MACROD2: variants seen among roughly 807,000 people sequenced by gnomAD.
The protein encoded by MACROD2 is mono-ADP ribosylhydrolase 2.
Under a neutral mutation model 70.4 loss-of-function variants are expected in MACROD2, and 36 were observed. The observed-to-expected ratio is 0.51, with a 90% CI of 0.39 to 0.68. MACROD2 has a LOEUF of 0.68. Among genes scored for constraint, MACROD2 ranks in the 30% least tolerant of loss-of-function variants. The probability of loss-of-function intolerance (pLI) is 0.00; values close to 1 mark genes in which losing one functional copy is unlikely to be tolerated. For synonymous variants in MACROD2, 172 were observed against 178.8 expected (o/e 0.96, Z 0.30); for missense variants, 496 against 538.4 (o/e 0.92, Z 0.78).
chr20:14,709,181 T>C (rs943399548), intron 5 of MACROD2, among the ~76,000 whole-genome samples: 7 of 152,188 alleles, frequency 4.6e-5, no homozygotes, highest in African/African-American at 1.4e-4. Context: ...CATTTCTTTA[T>C]ACTTATACAT....
chr20:15,493,169 G>T (rs540321941), intron 7 of MACROD2, among the ~76,000 whole-genome samples: 36 of 152,250 alleles, frequency 2.4e-4, no homozygotes, highest in Middle Eastern at 3.4e-3. Flanking sequence ...CTGGACATTG[G>T]TCTCTAGAGC....
rs149248067 is a variant in MACROD2 at position 15,664,560 on chromosome 20, C to A, written c.645+164713C>A. On this transcript the variant is annotated intron_variant, in intron 8 of 17. Transcript: ENST00000684519. ...TCTGGGGCTGGCTGGGGTTGGCTGA[C>A]CTAGTCTGGCCTTGCCTCAATAGCT... Among the ~76,000 whole-genome samples, 5 of 152,260 alleles carry A rather than the reference C, an allele frequency of 3.3e-5. No homozygotes were observed. The East Asian group carries it at 9.7e-4, about 29-fold the overall frequency.
intron 5 of MACROD2, among the ~76,000 whole-genome samples, chr20:14,978,231 T>G (rs1444752457): frequency 6.6e-6 from 1 of 152,156 alleles, no homozygotes; most frequent in Non-Finnish European, 1.5e-5. Flanking sequence ...TTCCATATCC[T>G]ACAGATAAAA....
chr20:15,240,066 A>G (rs2077048025), intron 6 of MACROD2, among the ~76,000 whole-genome samples: 1 of 152,206 alleles, frequency 6.6e-6, no homozygotes, highest in Non-Finnish European at 1.5e-5. Flanking sequence ...TGTAAGGCCA[A>G]ATGAGACTAT....
At chr20:14,525,270 G>T (rs1230157378) in intron 4 of MACROD2, among the ~76,000 whole-genome samples, 2 of 152,138 alleles carry the variant, frequency 1.3e-5, no homozygotes, top group Non-Finnish European at 2.9e-5. Flanking sequence ...TGGGGAGATT[G>T]TCTATTTATA....
chr20:14,097,631 C>A (rs1360781047), intron 3 of MACROD2, among the ~76,000 whole-genome samples: 1 of 152,118 alleles, frequency 6.6e-6, no homozygotes, highest in African/African-American at 2.4e-5. Flanking sequence ...AATTATTTAA[C>A]CTTTCTGAAC....
At chr20:14,869,524 C>A (rs1054837611) in intron 5 of MACROD2, among the ~76,000 whole-genome samples, 3 of 152,236 alleles carry the variant, frequency 2.0e-5, no homozygotes, top group African/African-American at 7.2e-5. Context: ...AAAGCCGTGG[C>A]GCTGCCTATT....
At chr20:15,174,748 T>A (rs908538669) in intron 5 of MACROD2, among the ~76,000 whole-genome samples, 2 of 152,256 alleles carry the variant, frequency 1.3e-5, no homozygotes, top group Non-Finnish European at 2.9e-5. Context: ...ATTTCTCTGA[T>A]AGCCAGTGAT....
intron 6 of MACROD2, among the ~76,000 whole-genome samples, chr20:15,238,256 T>A (rs2145999219): frequency 6.6e-6 from 1 of 152,296 alleles, no homozygotes; most frequent in East Asian, 1.9e-4. Flanking sequence ...GATATAGATG[T>A]CATAAAAATG....
chr20:15,574,808 T>C (rs1460302653), intron 8 of MACROD2, among the ~76,000 whole-genome samples: 1 of 152,230 alleles, frequency 6.6e-6, no homozygotes, highest in African/African-American at 2.4e-5. Flanking sequence ...AATCCAGTTA[T>C]CAGGCATGAG....
At chr20:15,050,740 G>A (rs1378191432) in intron 5 of MACROD2, among the ~76,000 whole-genome samples, 5 of 150,038 alleles carry the variant, frequency 3.3e-5, no homozygotes, top group Non-Finnish European at 7.4e-5. Context: ...GTGTTTTTAA[G>A]CCTAGGTTGC....
chr20:14,786,562 A>G (rs2072377014), intron 5 of MACROD2, among the ~76,000 whole-genome samples: 1 of 147,420 alleles, frequency 6.8e-6, no homozygotes, highest in Non-Finnish European at 1.5e-5. Context: ...ATCAGAAAAG[A>G]AAAAAAAAAA....
rs557651706 is a variant in MACROD2, at chr20:15,008,538, G to A, written c.419-221402G>A. On this transcript the variant is annotated intron_variant, in intron 5 of 17. Coordinates refer to ENST00000684519, the MANE Select transcript of MACROD2 (RefSeq NM_001351661.2). ...CAAAGATGACCTGATCATGGTGCAGGTTCTTGAGAAACTTAAAGTCTACTG... is the reference window on the plus strand; with the variant it reads ...CAAAGATGACCTGATCATGGTGCAGATTCTTGAGAAACTTAAAGTCTACTG... Among the ~76,000 whole-genome samples the A allele has an allele frequency of 4.6e-5, 7 of 152,278 alleles. No individual in the cohort carries two copies. The South Asian group carries it at 8.3e-4, about 18-fold the overall frequency.
chr20:15,233,434 T>G (rs2076976563), intron 6 of MACROD2, among the ~76,000 whole-genome samples: 1 of 152,136 alleles, frequency 6.6e-6, no homozygotes, highest in African/African-American at 2.4e-5. Context: ...CCTCTCAGTT[T>G]TGCTAAGAGG....
intron 5 of MACROD2, among the ~76,000 whole-genome samples, chr20:14,755,180 C>A (rs1378470977): frequency 6.6e-6 from 1 of 152,004 alleles, no homozygotes; most frequent in Non-Finnish European, 1.5e-5. Context: ...AATACTCCAT[C>A]AGAGTGGGAG....
intron 4 of MACROD2, among the ~76,000 whole-genome samples, chr20:14,629,645 A>G (rs1186530385): frequency 6.6e-6 from 1 of 152,150 alleles, no homozygotes. Context: ...GACTGATTCC[A>G]TCTTTTCTTC....
At chr20:15,718,134 C>A (rs34574177) in intron 8 of MACROD2, among the ~76,000 whole-genome samples, 1 of 151,010 alleles carries the variant, frequency 6.6e-6, no homozygotes, top group Non-Finnish European at 1.5e-5. Flanking sequence ...GCCTCCCGAG[C>A]AGCTGGGATT....
chr20:15,625,584 A>G (rs1442712488), intron 8 of MACROD2, among the ~76,000 whole-genome samples: 1 of 152,228 alleles, frequency 6.6e-6, no homozygotes, highest in African/African-American at 2.4e-5. Flanking sequence ...TTGATTGATT[A>G]AAACATATGT....
chr20:14,523,351 C>G (rs1178088805), intron 4 of MACROD2: 1 of 152,038 alleles, frequency 6.6e-6, no homozygotes, highest in East Asian at 1.9e-4. Context: ...TTGAGTGTCT[C>G]AACCTTCCTT....
Sources: allele counts gnomAD v4.1 joint callset (sites outside exome capture counted in the v4.1 genomes callset), GRCh38; gene constraint gnomAD v4.1.1; transcripts MANE v1.5; gene names NCBI Gene and HGNC (gene_info 2026-07-23, HGNC 2026-07-21).